The following NCALD variants were observed in gnomAD, a reference collection of about 807,000 sequenced individuals.
NCALD encodes neurocalcin-delta.
In NCALD, 10 loss-of-function variants were observed where a neutral mutation model predicts 18.6. The ratio of observed to expected loss-of-function variants is 0.54; its 90% CI spans 0.33 to 0.91. The LOEUF is 0.91. Ranked by LOEUF, NCALD falls within the 40% of genes least tolerant of loss-of-function variation. The pLI is 0.03. For synonymous variants in NCALD, 88 were observed against 87.4 expected (o/e 1.01, Z -0.04); for missense variants, 184 against 247.6 (o/e 0.74, Z 1.72).
chr8:102,037,896 A>T (rs575316671), intron 1 of NCALD, among the ~76,000 whole-genome samples: 1 of 152,308 alleles, frequency 6.6e-6, no homozygotes, highest in South Asian at 2.1e-4. Context: ...AACTGATAGC[A>T]CTTTATAAAT....
At chr8:102,022,054 T>C (rs903191239) in intron 1 of NCALD, among the ~76,000 whole-genome samples, 3 of 152,190 alleles carry the variant, frequency 2.0e-5, no homozygotes, top group East Asian at 3.9e-4. Context: ...GGAGCTTCAG[T>C]GCAGGGGACT....
chr8:101,903,580 C>G (rs1364269423), intron 3 of NCALD, among the ~76,000 whole-genome samples: 2 of 152,126 alleles, frequency 1.3e-5, no homozygotes, highest in African/African-American at 4.8e-5. Flanking sequence ...GGAAATGTTG[C>G]TGTTCTCTGG....
intron 2 of NCALD, among the ~76,000 whole-genome samples, chr8:101,696,345 A>G (rs1344422471): frequency 6.6e-6 from 1 of 152,240 alleles, no homozygotes; most frequent in African/African-American, 2.4e-5. Context: ...ATTGTTGAGA[A>G]AAGTGCTAGA....
chr8:101,761,221 T>C (rs1203898136), intron 1 of NCALD, among the ~76,000 whole-genome samples: 1 of 152,196 alleles, frequency 6.6e-6, no homozygotes, highest in Admixed American at 6.5e-5. Context: ...CACACTTAGC[T>C]CTGTCTTTTA....
chr8:102,116,121 G>T (rs11778337), intron 1 of NCALD, among the ~76,000 whole-genome samples: 3 of 150,834 alleles, frequency 2.0e-5, no homozygotes, highest in Admixed American at 6.6e-5. Flanking sequence ...GGTGGGGGGA[G>T]GCGGGAGGGA....
chr8:101,873,528 G>T (rs1225543074), intron 4 of NCALD, among the ~76,000 whole-genome samples: 2 of 152,226 alleles, frequency 1.3e-5, no homozygotes, highest in Non-Finnish European at 2.9e-5. Context: ...AGCTATAACT[G>T]CTGCTTAGGG....
At chr8:101,927,316 C>A (rs116205055) in intron 2 of NCALD, among the ~76,000 whole-genome samples, 4 of 152,166 alleles carry the variant, frequency 2.6e-5, no homozygotes, top group African/African-American at 9.7e-5. Context: ...TCTGGTGGAG[C>A]GTACAGTCTA....
intron 1 of NCALD, among the ~76,000 whole-genome samples, chr8:102,026,348 C>T (rs1414639331): frequency 6.6e-6 from 1 of 152,218 alleles, no homozygotes; most frequent in Non-Finnish European, 1.5e-5. Context: ...CAAGTTATTA[C>T]TTCCTAGATA....
intron 1 of NCALD, among the ~76,000 whole-genome samples, chr8:102,085,341 G>T (rs1824702012): frequency 6.6e-6 from 1 of 152,216 alleles, no homozygotes; most frequent in Non-Finnish European, 1.5e-5. Flanking sequence ...GGAGTTCCCA[G>T]TCACCCTCTC....
chr8:101,721,648 G>T (rs935797086), intron 1 of NCALD, among the ~76,000 whole-genome samples: 1 of 152,056 alleles, frequency 6.6e-6, no homozygotes, highest in Non-Finnish European at 1.5e-5. Flanking sequence ...TACTCAAACT[G>T]CTTGCATAAT....
At chr8:102,036,900 C>A (rs1396712824) in intron 1 of NCALD, among the ~76,000 whole-genome samples, 1 of 151,918 alleles carries the variant, frequency 6.6e-6, no homozygotes, top group African/African-American at 2.4e-5. Context: ...ATTAATTTGC[C>A]AAAAAAGTAA....
At chr8:101,727,143 A>C (rs980816652) in intron 1 of NCALD, among the ~76,000 whole-genome samples, 15 of 152,216 alleles carry the variant, frequency 9.9e-5, no homozygotes, top group Non-Finnish European at 1.6e-4. Flanking sequence ...TGCTCTCTTC[A>C]ACCCCAACTT....
chr8:101,689,451 A>G lies in NCALD; in HGVS notation c.485-45T>C, dbSNP rs1814615248. On this transcript the variant is annotated intron_variant, in intron 3 of 3. Coordinates refer to ENST00000220931, the MANE Select transcript of NCALD (RefSeq NM_032041.3). This position sits in a 1 kb window ranked among gnomAD's most constrained non-coding sequence, Gnocchi z 4.4. ...GTGAGTGGTGGCTGGTGGCAGCTGC[A>G]TGAGCTTACACCCTTCCCACTACTG... 6.9e-7 allele frequency: 1 copy of G among 1,448,422 alleles called. No individual in the cohort carries two copies. Among genetic ancestry groups the G allele is most frequent in the Non-Finnish European group, 9.5e-7 (1 of 1,050,698 alleles). The allele number at this position is 1,448,422 out of a possible 1,614,324, so 89.7% of individuals were successfully genotyped here. A position where few individuals can be genotyped will look rare whatever the true frequency, so the allele number is the denominator to read the frequency against.
intron 1 of NCALD, among the ~76,000 whole-genome samples, chr8:101,748,652 ACT>A (rs1315080453): frequency 1.3e-5 from 2 of 152,170 alleles, no homozygotes; most frequent in Non-Finnish European, 2.9e-5. Context: ...TCATAACAAC[ACT>A]CTGAAGATGG....
At chr8:101,928,464 C>T (rs1284394272) in intron 2 of NCALD, among the ~76,000 whole-genome samples, 2 of 151,998 alleles carry the variant, frequency 1.3e-5, no homozygotes, top group Non-Finnish European at 2.9e-5. Flanking sequence ...GATAATTTTT[C>T]AACTTTTTGC....
chr8:101,937,609 T>G (rs1818811454), intron 2 of NCALD, among the ~76,000 whole-genome samples: 1 of 152,194 alleles, frequency 6.6e-6, no homozygotes, highest in Non-Finnish European at 1.5e-5. Flanking sequence ...CATTTCCATT[T>G]CTTTGTTATT....
intron 1 of NCALD, chr8:101,788,530 T>C (rs1000703497): frequency 1.2e-4 from 18 of 152,358 alleles, no homozygotes; most frequent in South Asian, 6.2e-4. Context: ...GTTTGTATTA[T>C]GTAATAATGT....
rs191341354 is a variant in NCALD at position 102,028,262 on chromosome 8, A to G, written c.-209-7973T>C. 7.0e-4 allele frequency among the ~76,000 whole-genome samples: 107 copies of G among 152,380 alleles called. No individual in the cohort carries two copies. The Middle Eastern group carries it at 0.01, about 15-fold the overall frequency. On this transcript the variant is annotated intron_variant, in intron 1 of 6. Transcript: ENST00000311028. The stretch of plus-strand genomic sequence containing the variant: ...TAAACACAAACTTGAGTCTATGTGT[A>G]TATACAGGAAGAAAGCAAGAGAAAG...
chr8:102,023,499 G>C (rs1310325592), intron 1 of NCALD, among the ~76,000 whole-genome samples: 1 of 152,236 alleles, frequency 6.6e-6, no homozygotes, highest in Admixed American at 6.5e-5. Flanking sequence ...AAAAATAAAA[G>C]GAGGAGAGAG....
Sources: allele counts gnomAD v4.1 joint callset (sites outside exome capture counted in the v4.1 genomes callset), GRCh38; gene constraint gnomAD v4.1.1; non-coding constraint Gnocchi (gnomAD v3.1); transcripts MANE v1.5; gene names NCBI Gene and HGNC (gene_info 2026-07-23, HGNC 2026-07-21).